Variants in CEP170B observed in about 807,000 individuals in gnomAD.
CEP170B encodes the protein centrosomal protein of 170 kDa protein B.
CEP170B carries 55 observed loss-of-function variants against 120.6 expected under a neutral mutation model. The observed-to-expected ratio is 0.46, with a 90% confidence interval of 0.37 to 0.57. The LOEUF (loss-of-function observed/expected upper bound fraction) is 0.57, where lower values mean the gene tolerates loss of function less well. Ranked by LOEUF, CEP170B falls within the 20% of genes least tolerant of loss-of-function variation. CEP170B has a pLI of 0.00. For synonymous variants in CEP170B, 1,033 were observed against 954.5 expected, an observed-to-expected ratio of 1.08 and a Z score of -1.52; for missense variants, 2,212 against 2,253.3, an observed-to-expected ratio of 0.98 and a Z score of 0.37.
intron 6 of CEP170B, among the ~76,000 whole-genome samples, chr14:104,881,659 C>A (rs908328782): frequency 2.0e-5 from 3 of 152,188 alleles, no homozygotes; most frequent in African/African-American, 7.2e-5. Context: ...AGCTGGGCAG[C>A]CTGGCTCCTT....
chr14:104,872,703 G>T (rs999281519), intron 2 of CEP170B, among the ~76,000 whole-genome samples: 6 of 152,102 alleles, frequency 3.9e-5, no homozygotes, highest in Non-Finnish European at 8.8e-5. Flanking sequence ...GCATCGAGCC[G>T]GTCTGCTGCG....
At position 104,884,242 on chromosome 14, in the gene CEP170B, G is replaced by A. The variant is rs1020511941; in HGVS notation, c.1463G>A (p.Arg488His). The A allele has an allele frequency of 3.0e-5, 46 of 1,543,778 alleles. No individual in the cohort carries two copies. Among genetic ancestry groups the A allele is most frequent in the East Asian group, 1.2e-4 (5 of 40,990 alleles). Residue 488 changes from arginine (R) to histidine (H), a missense_variant, in exon 9 of 19, where the codon CGC (arginine) becomes CAC (histidine). By Grantham distance (29) the Arg-to-His change is conservative. This residue lies in a region of CEP170B where 2,166 missense variants were observed against 2,166.7 expected (regional missense o/e 1.00). Coordinates refer to ENST00000414716, the MANE Select transcript of CEP170B (RefSeq NM_001112726.3). ...SPSPASRTPA[R>H]PFGSVGRRSR... ...TCGCCCGCCTCCCGAACCCCTGCCC[G>A]CCCCTTCGGAAGCGTGGGGCGCCGC...
At chr14:104,890,912 G>C (rs1413616761) in intron 13 of CEP170B, among the ~76,000 whole-genome samples, 1 of 136,144 alleles carries the variant, frequency 7.3e-6, no homozygotes, top group African/African-American at 2.8e-5. Flanking sequence ...GGGATGGATG[G>C]ATGGATGGAT....
chr14:104,866,390 C>G (rs191452309), intron 1 of CEP170B, among the ~76,000 whole-genome samples: 2 of 152,148 alleles, frequency 1.3e-5, no homozygotes, highest in South Asian at 2.1e-4. Flanking sequence ...AGGCCCTGCC[C>G]GATAGAGCAC....
rs201341611 is a variant in CEP170B, at chr14:104,883,402, C to T, written c.945C>T (p.Ala315=). ...GEMVSAETKV[A]DWLVQNDPSL... is the part of the protein sequence containing the mutation. ...TGGTGTCGGCTGAGACCAAGGTGGC[C>T]GACTGGCTGGTGCAGAATGACCCGA... The change falls in exon 8 of 19, where the codon GCC becomes GCT. Residue 315 remains alanine, a synonymous_variant. Transcript: ENST00000414716. 51 of 1,592,240 alleles carry T rather than the reference C, an allele frequency of 3.2e-5. No individual in the cohort carries two copies. The highest frequency in any genetic ancestry group is 3.0e-4 in the Admixed American group (17 of 56,704).
At chr14:104,883,761 A>G (rs1439213493) in intron 8 of CEP170B, 70 bp from the exon 9 acceptor site, 2 of 1,396,442 alleles carry the variant, frequency 1.4e-6, no homozygotes, top group Non-Finnish European at 1.9e-6. Flanking sequence ...TGGGGTGATG[A>G]GGCTGCCTGA....
rs983457548 is a variant in CEP170B at position 104,870,905 on chromosome 14, G to A, written c.105+2350G>A. On this transcript the variant is annotated intron_variant, in intron 2 of 18. Transcript: ENST00000414716. The surrounding 1 kb of genome is among the most constrained non-coding windows in gnomAD (Gnocchi z 4.1). The stretch of plus-strand genomic sequence containing the variant: ...GTGTGGGAAGGCTGTCTGCCTCCCG[G>A]TGCCCCTGCAGCGGCCTCCTACCTG... Among the ~76,000 whole-genome samples, 1 of 151,984 alleles carries A rather than the reference G, an allele frequency of 6.6e-6. No individual in the cohort carries two copies. Among genetic ancestry groups the A allele is most frequent in the Non-Finnish European group, 1.5e-5 (1 of 67,972 alleles).
chr14:104,890,061 G>T (rs1380480759), intron 13 of CEP170B, among the ~76,000 whole-genome samples: 5 of 87,244 alleles, frequency 5.7e-5, no homozygotes, highest in African/African-American at 2.4e-4. Context: ...TGGATAGGTT[G>T]CTGGGTGGGT....
intron 18 of CEP170B, 29 bp from the exon 19 acceptor site, chr14:104,894,682 G>C: frequency 1.3e-6 from 2 of 1,569,408 alleles, no homozygotes; most frequent in Non-Finnish European, 1.7e-6. Flanking sequence ...AACTGGATCC[G>C]CAGCCTGACC....
chr14:104,873,863 G>A (rs1895699266), intron 2 of CEP170B, among the ~76,000 whole-genome samples: 3 of 152,176 alleles, frequency 2.0e-5, no homozygotes, highest in Non-Finnish European at 4.4e-5. Context: ...CCGGCCCCAG[G>A]CCTCAGTGCT....
chr14:104,889,298 T>G (rs1425424609), intron 12 of CEP170B, among the ~76,000 whole-genome samples: 4 of 151,926 alleles, frequency 2.6e-5, no homozygotes, highest in African/African-American at 9.7e-5. Context: ...CCAGGCCGCC[T>G]TCCCCGCATG....
Position 104,882,739 on chromosome 14 carries a change from T to C in CEP170B, c.484T>C (p.Tyr162His), listed in dbSNP as rs953564971. Residue 162 changes from tyrosine to histidine, a missense_variant, in exon 7 of 19, where the codon TAC becomes CAC. Tyr to His is a moderately conservative substitution (Grantham distance 83). Transcript: ENST00000414716. ...DRRPGTEAAS[Y>H]RTPLYGQPSW... ...CGCTCCCTCCACAGAGGCAGCCTCT[T>C]ACCGCACACCCCTGTATGGGCAGCC... 6.2e-7 allele frequency: 1 copy of C among 1,611,732 alleles called. No homozygotes were observed. The highest frequency in any genetic ancestry group is 8.5e-7 in the Non-Finnish European group (1 of 1,179,362).
chr14:104,895,013 C>A lies in CEP170B; in HGVS notation c.*55C>A. 6.9e-7 allele frequency: 1 copy of A among 1,454,372 alleles called. No homozygotes were observed. The highest frequency in any genetic ancestry group is 1.8e-4 in the Middle Eastern group (1 of 5,444). 90.1% of individuals were successfully genotyped at this position (1,454,372 alleles called of 1,614,324 possible). On this transcript the variant is annotated 3_prime_UTR_variant, in exon 19 of 19. Transcript: ENST00000414716. ...GTGCGTGTGCGTCTCTGCCTTCCGT[C>A]CGCCGCACACCCGCCTGCCTGGCCG...
chr14:104,882,716 C>T lies in CEP170B; in HGVS notation c.473-12C>T. On this transcript the variant is annotated splice_polypyrimidine_tract_variant and intron_variant, in intron 6 of 18. Transcript: ENST00000414716. ...CAGCAACACAGGGTCTGACCTCTCG[C>T]TCCCTCCACAGAGGCAGCCTCTTAC... 4 of 1,607,736 alleles carry T rather than the reference C, an allele frequency of 2.5e-6. No individual in the cohort carries two copies. The highest frequency in any genetic ancestry group is 3.4e-6 in the Non-Finnish European group (4 of 1,177,084).
Position 104,894,706 on chromosome 14 carries a change from T to C in CEP170B, c.4418-5T>C, listed in dbSNP as rs1897000828. 6.3e-7 allele frequency: 1 copy of C among 1,574,960 alleles called. No individual in the cohort carries two copies. The highest frequency in any genetic ancestry group is 1.8e-5 in the Admixed American group (1 of 56,326). On this transcript the variant is annotated splice_region_variant and splice_polypyrimidine_tract_variant and intron_variant, in intron 18 of 18. Coordinates refer to ENST00000414716, the MANE Select transcript of CEP170B (RefSeq NM_001112726.3). ...CGCAGCCTGACCCTCCCTCCCCACC[T>C]CCAGTTATCAATGCCATCGTGGACC...
chr14:104,884,282 G>A lies in CEP170B; in HGVS notation c.1503G>A (p.Gln501=). The A allele has an allele frequency of 6.5e-7, 1 of 1,544,752 alleles. No homozygotes were observed. The highest frequency in any genetic ancestry group is 8.7e-7 in the Non-Finnish European group (1 of 1,145,798). The change falls in exon 9 of 19, where the codon CAG becomes CAA. Residue 501 remains glutamine (Q), a synonymous_variant. Coordinates refer to ENST00000414716, the MANE Select transcript of CEP170B (RefSeq NM_001112726.3). ...GSVGRRSRLA[Q]DFMAQCLRES... is the part of the protein sequence containing the mutation. ...TGGGGCGCCGCTCCCGCCTGGCCCA[G>A]GACTTCATGGCCCAGTGTCTGCGGG... is the stretch of plus-strand genomic sequence containing the variant.
Position 104,887,728 on chromosome 14 carries a change from G to A in CEP170B, c.3489G>A (p.Lys1163=). The change falls in exon 12 of 19, where the codon AAG becomes AAA. Residue 1163 remains lysine (K), a synonymous_variant. Transcript: ENST00000414716. ...VGRPAAEQAK[K]LSRLDILAMP... is the part of the protein sequence containing the mutation. ...GGCCAGCTGCTGAGCAGGCCAAGAA[G>A]CTGTCACGCCTGGACATCCTGGCCA... 6.3e-7 allele frequency: 1 copy of A among 1,586,422 alleles called. No individual in the cohort carries two copies. Among genetic ancestry groups the A allele is most frequent in the Non-Finnish European group, 8.6e-7 (1 of 1,168,236 alleles).
At chr14:104,873,227 C>A (rs1214425658) in intron 2 of CEP170B, among the ~76,000 whole-genome samples, 2 of 97,594 alleles carry the variant, frequency 2.0e-5, no homozygotes, top group Non-Finnish European at 1.9e-5. Context: ...CAGCTGGGCT[C>A]GGGGTGTTAA....
Position 104,894,378 on chromosome 14 carries a change from G to T in CEP170B, c.4365G>T (p.Lys1455Asn). ...TGCCCATCCTGAAGACATCTAACAA[G>T]GTGAGCGCTGGGGCCCCGTGCCCCT... ...NEVPILKTSNKEISSILKELR... is the reference protein window; with the variant it reads ...NEVPILKTSNNEISSILKELR... The change falls in exon 17 of 19, where the codon AAG becomes AAT. Residue 1455 changes from lysine (K) to asparagine (N), a missense_variant and splice_region_variant. Lys to Asn is a moderately conservative substitution (Grantham distance 94). Around this residue, in one of 2 missense-constraint regions of CEP170B, gnomAD observed 2,166 missense variants for 2,166.7 expected, o/e 1.00. Transcript: ENST00000414716. The T allele has an allele frequency of 6.2e-7, 1 of 1,613,168 alleles. No homozygotes were observed. Among genetic ancestry groups the T allele is most frequent in the Middle Eastern group, 1.6e-4 (1 of 6,062 alleles).
Sources: gnomAD v4.1 joint callset for allele counts (sites outside exome capture counted in the v4.1 genomes callset) on GRCh38, gnomAD v4.1.1 for gene constraint, gnomAD v4.1.1 regional missense constraint, Gnocchi (gnomAD v3.1) non-coding constraint, MANE v1.5 for transcripts, NCBI Gene and HGNC (gene_info 2026-07-23, HGNC 2026-07-21) for gene names.